Variants in PLXNA4 observed in about 807,000 individuals in gnomAD.
PLXNA4 encodes plexin-A4.
A neutral mutation model predicts 191.8 loss-of-function variants in PLXNA4; 44 were observed. The observed-to-expected ratio is 0.23, with a 90% CI of 0.18 to 0.29. The LOEUF (loss-of-function observed/expected upper bound fraction) is 0.29. Ranked by LOEUF, PLXNA4 falls within the 10% of genes least tolerant of loss-of-function variation. The probability of loss-of-function intolerance (pLI) is 1.00; values close to 1 mark genes in which losing one functional copy is unlikely to be tolerated. For missense variants in PLXNA4, 1,800 were observed against 2,488.8 expected, an observed-to-expected ratio of 0.72 and a Z score of 5.89; for synonymous variants, 1,082 against 1,009.5, an observed-to-expected ratio of 1.07 and a Z score of -1.36.
At chr7:132,321,024 G>A (rs1802141087) in intron 3 of PLXNA4, among the ~76,000 whole-genome samples, 1 of 152,084 alleles carries the variant, frequency 6.6e-6, no homozygotes, top group African/African-American at 2.4e-5. Context: ...GCAATCCCTT[G>A]CCAGCTGCCC....
At chr7:132,298,897 T>C (rs143733482) in intron 3 of PLXNA4, among the ~76,000 whole-genome samples, 52 of 152,332 alleles carry the variant, frequency 3.4e-4, no homozygotes, top group Non-Finnish European at 6.6e-4. Context: ...CTCAGCTGAA[T>C]AGATCATCCC....
At chr7:132,342,859 A>G (rs1258112251) in intron 3 of PLXNA4, among the ~76,000 whole-genome samples, 2 of 150,394 alleles carry the variant, frequency 1.3e-5, no homozygotes, top group Non-Finnish European at 2.9e-5. Flanking sequence ...AGGAGGGAGA[A>G]TCGTTTGAAT....
intron 5 of PLXNA4, among the ~76,000 whole-genome samples, chr7:132,240,588 G>C (rs993711663): frequency 6.6e-6 from 1 of 152,220 alleles, no homozygotes; most frequent in East Asian, 1.9e-4. Flanking sequence ...ATCCTTTGGA[G>C]CTGTTGAAGT....
chr7:132,182,771 C>T (rs970951848), intron 16 of PLXNA4, among the ~76,000 whole-genome samples: 2 of 152,262 alleles, frequency 1.3e-5, no homozygotes, highest in African/African-American at 2.4e-5. Flanking sequence ...CTTTTGGACT[C>T]GGGTCTCCTG....
chr7:132,386,900 G>A (rs1805171620), intron 3 of PLXNA4, among the ~76,000 whole-genome samples: 1 of 152,186 alleles, frequency 6.6e-6, no homozygotes. Flanking sequence ...AAATTGTTTT[G>A]AAGGGCCATT....
At chr7:132,386,756 C>T (rs559617107) in intron 3 of PLXNA4, among the ~76,000 whole-genome samples, 20 of 152,266 alleles carry the variant, frequency 1.3e-4, no homozygotes, top group South Asian at 2.1e-4. Context: ...GGACCTGGCT[C>T]GAGAGCCTCA....
At chr7:132,331,160 A>G (rs1377664113) in intron 3 of PLXNA4, among the ~76,000 whole-genome samples, 2 of 152,248 alleles carry the variant, frequency 1.3e-5, no homozygotes, top group Non-Finnish European at 2.9e-5. Flanking sequence ...AGGAATTAAT[A>G]CAACCACAAA....
chr7:132,490,084 A>C (rs1797728131), intron 2 of PLXNA4, among the ~76,000 whole-genome samples: 1 of 152,248 alleles, frequency 6.6e-6, no homozygotes, highest in Non-Finnish European at 1.5e-5. Context: ...CAATGGGGGA[A>C]GGAATGTGCT....
intron 1 of PLXNA4, among the ~76,000 whole-genome samples, chr7:132,536,274 G>T (rs1267361077): frequency 6.6e-6 from 1 of 152,160 alleles, no homozygotes; most frequent in East Asian, 1.9e-4. Context: ...TCCCTAGTAA[G>T]TTCAGTTTTT....
At chr7:132,631,006 C>T (rs1211802219) in intron 2 of PLXNA4, among the ~76,000 whole-genome samples, 1 of 152,180 alleles carries the variant, frequency 6.6e-6, no homozygotes, top group Non-Finnish European at 1.5e-5. Context: ...AACTTTTAAA[C>T]CAGAACACCC....
intron 3 of PLXNA4, among the ~76,000 whole-genome samples, chr7:132,465,694 G>A (rs1796673874): frequency 6.6e-6 from 1 of 152,162 alleles, no homozygotes; most frequent in Admixed American, 6.5e-5. Context: ...TGGGGCCTGG[G>A]AATGTCAGTT....
At chr7:132,256,917 ACAGC>A (rs1799453100) in intron 4 of PLXNA4, among the ~76,000 whole-genome samples, 1 of 152,182 alleles carries the variant, frequency 6.6e-6, no homozygotes, top group Admixed American at 6.5e-5. Context: ...ATAACACTGG[ACAGC>A]TGTACATGGC....
intron 3 of PLXNA4, among the ~76,000 whole-genome samples, chr7:132,438,583 T>C (rs1159067625): frequency 6.6e-6 from 1 of 152,182 alleles, no homozygotes; most frequent in Non-Finnish European, 1.5e-5. Flanking sequence ...TAGTCTAACA[T>C]ATATTTAAAA....
At chr7:132,291,398 C>T (rs1800885936) in intron 4 of PLXNA4, among the ~76,000 whole-genome samples, 1 of 152,192 alleles carries the variant, frequency 6.6e-6, no homozygotes, top group Non-Finnish European at 1.5e-5. Flanking sequence ...CTAAGCCATT[C>T]ACTCATTCTC....
intron 3 of PLXNA4, among the ~76,000 whole-genome samples, chr7:132,429,985 C>T (rs993538989): frequency 6.6e-6 from 1 of 152,114 alleles, no homozygotes; most frequent in Admixed American, 6.5e-5. Context: ...GGCAAACAAT[C>T]CCTCCCCAGA....
At chr7:132,500,975 G>A (rs1798225924) in intron 2 of PLXNA4, among the ~76,000 whole-genome samples, 1 of 152,168 alleles carries the variant, frequency 6.6e-6, no homozygotes, top group Non-Finnish European at 1.5e-5. Context: ...GAGGACGAAA[G>A]GAATTGAAGG....
intron 3 of PLXNA4, among the ~76,000 whole-genome samples, chr7:132,376,268 G>T (rs1377096897): frequency 6.6e-6 from 1 of 152,140 alleles, no homozygotes; most frequent in East Asian, 1.9e-4. Flanking sequence ...CATGCTAAGG[G>T]GAAAGCCTCT....
chr7:132,217,784 G>A (rs775794338), intron 9 of PLXNA4, among the ~76,000 whole-genome samples: 1 of 151,986 alleles, frequency 6.6e-6, no homozygotes, highest in Non-Finnish European at 1.5e-5. Flanking sequence ...AGTGGGGAGG[G>A]GCAGGCAAGA....
At chr7:132,319,126 TTCTC>T (rs1200933786) in intron 3 of PLXNA4, among the ~76,000 whole-genome samples, 1 of 152,218 alleles carries the variant, frequency 6.6e-6, no homozygotes, top group Non-Finnish European at 1.5e-5. Context: ...TCTTCCATTC[TTCTC>T]TATTTCCCCT....
Sources: allele counts gnomAD v4.1 joint callset (sites outside exome capture counted in the v4.1 genomes callset), GRCh38; gene constraint gnomAD v4.1.1; transcripts MANE v1.5; gene names NCBI Gene and HGNC (gene_info 2026-07-23, HGNC 2026-07-21).